The following FMNL2 variants were observed in gnomAD, a reference collection of about 807,000 sequenced individuals.
FMNL2 encodes formin like 2, also known as formin-like protein 2.
In FMNL2, 51 loss-of-function variants were observed where a neutral mutation model predicts 130.2. That is an observed-to-expected ratio of 0.39 (90% CI 0.31 to 0.49). The LOEUF is 0.49. Among genes scored for constraint, FMNL2 ranks in the 20% least tolerant of loss-of-function variants. The pLI, the probability that FMNL2 is intolerant of heterozygous loss-of-function variation, is 0.85. For missense variants in FMNL2, 977 were observed against 1,316.2 expected (o/e 0.74, Z 3.99); for synonymous variants, 465 against 467.1 (o/e 1.00, Z 0.06).
chr2:152,435,612 T>C (rs1012834462), intron 1 of FMNL2, among the ~76,000 whole-genome samples: 6 of 149,980 alleles, frequency 4.0e-5, no homozygotes, highest in African/African-American at 1.2e-4. Flanking sequence ...TCACAAGTGA[T>C]GGTGTATTGG....
intron 1 of FMNL2, among the ~76,000 whole-genome samples, chr2:152,357,996 A>C (rs1414332585): frequency 6.6e-6 from 1 of 152,168 alleles, no homozygotes; most frequent in Non-Finnish European, 1.5e-5. Context: ...AGGCAGATCC[A>C]CCCTCAATCT....
chr2:152,578,433 G>C (rs1252079181), intron 7 of FMNL2, among the ~76,000 whole-genome samples: 1 of 152,184 alleles, frequency 6.6e-6, no homozygotes, highest in Non-Finnish European at 1.5e-5. Flanking sequence ...GAGATTCGGA[G>C]TAAATGTTTT....
chr2:152,339,854 T>G (rs975313997), intron 1 of FMNL2, among the ~76,000 whole-genome samples: 1 of 152,148 alleles, frequency 6.6e-6, no homozygotes, highest in African/African-American at 2.4e-5. Context: ...TCACAGTAAC[T>G]AATGCTATCA....
At chr2:152,367,360 A>G (rs1683618480) in intron 1 of FMNL2, among the ~76,000 whole-genome samples, 1 of 152,138 alleles carries the variant, frequency 6.6e-6, no homozygotes, top group Non-Finnish European at 1.5e-5. Flanking sequence ...GTAGGCATTG[A>G]CAGTGTTAAT....
At chr2:152,363,046 G>T (rs549436844) in intron 1 of FMNL2, among the ~76,000 whole-genome samples, 1 of 152,314 alleles carries the variant, frequency 6.6e-6, no homozygotes, top group East Asian at 1.9e-4. Context: ...GTGAGGATTG[G>T]AGTGGTTGAT....
At chr2:152,611,748 C>A in intron 11 of FMNL2, 143 bp downstream of exon 11, 1 of 564,430 alleles carries the variant, frequency 1.8e-6, no homozygotes, top group Non-Finnish European at 3.2e-6. Context: ...GGGAACTGAG[C>A]TGAGTGATGT....
intron 7 of FMNL2, among the ~76,000 whole-genome samples, chr2:152,577,014 C>T (rs10206228): frequency 0.5 from 76,264 of 152,028 alleles, 20,341 homozygotes; most frequent in Non-Finnish European, 0.6. Flanking sequence ...CTGACACTTG[C>T]ATTTAACATG....
chr2:152,339,858 G>A (rs184356068), intron 1 of FMNL2, among the ~76,000 whole-genome samples: 1 of 152,158 alleles, frequency 6.6e-6, no homozygotes, highest in East Asian at 1.9e-4. Context: ...AGTAACTAAT[G>A]CTATCAGCAA....
Position 152,474,066 on chromosome 2 carries a change from AG to A in FMNL2, c.118-47876del, listed in dbSNP as rs200091227. 8.5e-3 allele frequency among the ~76,000 whole-genome samples: 1,299 copies of A among 152,196 alleles called. 19 individuals carry two copies. Among genetic ancestry groups the A allele is most frequent in the African/African-American group, 0.03 (1,243 of 41,544 alleles). ...ATTTTTTTGTATTTTTAGTAGAGAT[AG>A]CGTTTTGCTATATTGGCCAGGCTGG... On this transcript the variant is annotated intron_variant, in intron 1 of 25. Coordinates refer to ENST00000288670, the MANE Select transcript of FMNL2 (RefSeq NM_052905.4).
chr2:152,448,858 C>T (rs1002623402), intron 1 of FMNL2, among the ~76,000 whole-genome samples: 2 of 152,168 alleles, frequency 1.3e-5, no homozygotes, highest in Admixed American at 6.6e-5. Context: ...TGCGTGTGTC[C>T]GGATTTCCTA....
chr2:152,520,592 T>A (rs1334625576), intron 1 of FMNL2, among the ~76,000 whole-genome samples: 3 of 108,466 alleles, frequency 2.8e-5, no homozygotes, highest in Non-Finnish European at 4.3e-5. Flanking sequence ...TGAAACCCCA[T>A]CTCAAAAAAA....
chr2:152,626,383 CAAG>C, intron 16 of FMNL2, 139 bp from the exon 17 acceptor site: 1 of 691,318 alleles, frequency 1.4e-6, no homozygotes, highest in East Asian at 2.7e-5. Flanking sequence ...ATAACAAAAA[CAAG>C]AAAAATAGAG....
At chr2:152,552,966 G>C (rs1695019551) in intron 4 of FMNL2, among the ~76,000 whole-genome samples, 1 of 152,206 alleles carries the variant, frequency 6.6e-6, no homozygotes, top group Admixed American at 6.5e-5. Flanking sequence ...CTCAGTGCAA[G>C]GTCACAGAAG....
chr2:152,569,704 T>TAA (rs773973729), intron 6 of FMNL2, among the ~76,000 whole-genome samples: 1 of 126,382 alleles, frequency 7.9e-6, no homozygotes, highest in Non-Finnish European at 1.7e-5. Flanking sequence ...AAAAGGAAGT[T>TAA]AAAAAAAAAA....
intron 21 of FMNL2, among the ~76,000 whole-genome samples, chr2:152,635,873 G>C (rs979460938): frequency 3.9e-5 from 6 of 152,204 alleles, no homozygotes; most frequent in Non-Finnish European, 8.8e-5. Context: ...GAGAGTCAGA[G>C]AAATGCAAAA....
intron 17 of FMNL2, among the ~76,000 whole-genome samples, chr2:152,627,958 C>CCATCA (rs2096725074): frequency 6.6e-6 from 1 of 152,220 alleles, no homozygotes; most frequent in Non-Finnish European, 1.5e-5. Context: ...AACCATGAAA[C>CCATCA]CATCAGATGC....
Position 152,554,204 on chromosome 2 carries a change from T to C in FMNL2, c.360-4536T>C, listed in dbSNP as rs1438015188. Reference sequence around the variant, plus strand: ...GCAGGATGGCTTGAGCCTGGGAGTTTGAGACCAGCCTGGGTAACATGGTGA... The same window carrying C: ...GCAGGATGGCTTGAGCCTGGGAGTTCGAGACCAGCCTGGGTAACATGGTGA... On this transcript the variant is annotated intron_variant, in intron 4 of 25. Transcript: ENST00000288670. Among the ~76,000 whole-genome samples, 4 of 152,142 alleles carry C rather than the reference T, an allele frequency of 2.6e-5. No individual in the cohort carries two copies. In the East Asian group the frequency reaches 7.7e-4, roughly 29 times the overall value.
chr2:152,533,483 C>A (rs1355217907), intron 2 of FMNL2, among the ~76,000 whole-genome samples: 2 of 149,926 alleles, frequency 1.3e-5, no homozygotes, highest in African/African-American at 4.9e-5. Context: ...ATATTTTTAT[C>A]CTTACGCCAA....
intron 23 of FMNL2, 116 bp from the exon 24 acceptor site, chr2:152,639,842 C>CGGTGGT: frequency 3.0e-6 from 2 of 677,388 alleles, no homozygotes; most frequent in South Asian, 3.4e-5. Flanking sequence ...ATCTTCTCAA[C>CGGTGGT]CTTCCATTTA....
Sources: allele counts gnomAD v4.1 joint callset (sites outside exome capture counted in the v4.1 genomes callset), GRCh38; gene constraint gnomAD v4.1.1; transcripts MANE v1.5; gene names NCBI Gene and HGNC (gene_info 2026-07-23, HGNC 2026-07-21).